CLNK: variants seen among roughly 807,000 people sequenced by gnomAD.
The protein encoded by CLNK is cytokine-dependent hematopoietic cell linker.
CLNK carries 74 observed loss-of-function variants against 68.6 expected under a neutral mutation model. The observed-to-expected ratio is 1.08, with a 90% confidence interval of 0.89 to 1.31. The LOEUF is 1.31. Ranked by LOEUF, CLNK falls within the 50% of genes most tolerant of loss-of-function variation. The pLI is 0.00. For missense variants in CLNK, 553 were observed against 515.3 expected (o/e 1.07, Z -0.71); for synonymous variants, 198 against 172.2 (o/e 1.15, Z -1.17).
At chr4:10,716,186 C>T in the CLNK span, among the ~76,000 whole-genome samples, 1 of 152,166 alleles carries the variant, frequency 6.6e-6, no homozygotes, top group African/African-American at 2.4e-5. Flanking sequence ...CTCTCCTAAG[C>T]CAGGAAAATT....
chr4:10,617,502 T>C (rs1230352976), intron 2 of CLNK, among the ~76,000 whole-genome samples: 1 of 152,222 alleles, frequency 6.6e-6, no homozygotes, highest in Non-Finnish European at 1.5e-5. Context: ...GAGCTGCTCA[T>C]TGGAAATTTC....
chr4:10,531,340 C>G (rs1327695702), intron 12 of CLNK: 1 of 153,020 alleles, frequency 6.5e-6, no homozygotes, highest in East Asian at 1.9e-4. Flanking sequence ...CTCCACTGAT[C>G]ACCTGGCCAT....
chr4:10,605,718 C>T (rs1408493403), intron 2 of CLNK, among the ~76,000 whole-genome samples: 2 of 146,480 alleles, frequency 1.4e-5, no homozygotes, highest in East Asian at 2.1e-4. Context: ...GTCTCAGCTA[C>T]TTGGGAGGCT....
chr4:10,492,551 T>C (rs917110593), intron 18 of CLNK, among the ~76,000 whole-genome samples: 1 of 152,314 alleles, frequency 6.6e-6, no homozygotes, highest in African/African-American at 2.4e-5. Flanking sequence ...AAATTGTCCG[T>C]TGAGGCTTAA....
chr4:10,558,370 A>C (rs889767993), intron 8 of CLNK, 37 bp downstream of exon 8: 68 of 1,590,314 alleles, frequency 4.3e-5, no homozygotes, highest in Non-Finnish European at 5.4e-5. Flanking sequence ...AGATGTTTTC[A>C]TACTTACATT....
Position 10,625,256 on chromosome 4 carries a change from A to T in CLNK, c.12-27207T>A, listed in dbSNP as rs1392514921. 1.7e-4 allele frequency among the ~76,000 whole-genome samples: 26 copies of T among 152,222 alleles called. 1 individual carries two copies. Among genetic ancestry groups the T allele is most frequent in the Non-Finnish European group, 1.5e-5 (1 of 68,040 alleles). ...GTGACAGGGAAACATTAGCCGATATAATTGAAAGCAGAGCTGTCCGCCACT... is the reference window on the plus strand; with the variant it reads ...GTGACAGGGAAACATTAGCCGATATTATTGAAAGCAGAGCTGTCCGCCACT... On this transcript the variant is annotated intron_variant, in intron 2 of 18. Transcript: ENST00000226951.
chr4:10,655,191 TGAA>T (rs1723920486), intron 2 of CLNK, among the ~76,000 whole-genome samples: 1 of 152,010 alleles, frequency 6.6e-6, no homozygotes, highest in Non-Finnish European at 1.5e-5. Flanking sequence ...GGCATTATGT[TGAA>T]GAAGTTCTCT....
intron 3 of CLNK, among the ~76,000 whole-genome samples, chr4:10,595,468 T>C (rs1721349964): frequency 2.0e-5 from 3 of 152,162 alleles, no homozygotes; most frequent in Admixed American, 2.0e-4. Flanking sequence ...TGCAGACAGG[T>C]CATGGTTAAT....
In CLNK at chr4:10,571,772, T is replaced by C. The variant is rs1456784509; in HGVS notation, c.119A>G (p.Tyr40Cys). The C allele has an allele frequency of 6.2e-7, 1 of 1,613,040 alleles. No homozygotes were observed. The highest frequency in any genetic ancestry group is 8.5e-7 in the Non-Finnish European group (1 of 1,179,156). ...TAGAAGAGGCTTGTTCATCCTCTGG[T>C]ACTGGCCTGCCAACACAAACAGACC... ...WPRINSATGQ[Y>C]QRMNKPLLDW... Residue 40 changes from tyrosine to cysteine, a missense_variant, in exon 5 of 19, where the codon TAC becomes TGC. Transcript: ENST00000226951.
chr4:10,545,533 C>T (rs1344754224), intron 8 of CLNK, among the ~76,000 whole-genome samples: 1 of 152,122 alleles, frequency 6.6e-6, no homozygotes, highest in Non-Finnish European at 1.5e-5. Context: ...GCAATGCACA[C>T]CAGTAGCTGT....
intron 15 of CLNK, among the ~76,000 whole-genome samples, chr4:10,516,820 G>T (rs1205437852): frequency 2.6e-5 from 4 of 152,212 alleles, no homozygotes; most frequent in Admixed American, 2.6e-4. Context: ...CAAAGTGCTG[G>T]GATTATAGGC....
At chr4:10,618,442 A>G (rs1040435027) in intron 2 of CLNK, among the ~76,000 whole-genome samples, 3 of 152,266 alleles carry the variant, frequency 2.0e-5, no homozygotes, top group African/African-American at 7.2e-5. Context: ...AAACTGATTT[A>G]TAGTGAGAGT....
chr4:10,541,933 T>A, intron 10 of CLNK, 89 bp downstream of exon 10: 1 of 972,782 alleles, frequency 1.0e-6, no homozygotes, highest in Non-Finnish European at 1.6e-6. Context: ...AGATTTTCAA[T>A]GTCAAATGTT....
chr4:10,710,216 C>G, the CLNK span, among the ~76,000 whole-genome samples: 1 of 152,048 alleles, frequency 6.6e-6, no homozygotes, highest in Non-Finnish European at 1.5e-5. Context: ...GATCTGGGCT[C>G]TGGTCAGAAA....
At chr4:10,562,665 A>G (rs1257299762) in intron 7 of CLNK, among the ~76,000 whole-genome samples, 1 of 152,118 alleles carries the variant, frequency 6.6e-6, no homozygotes, top group African/African-American at 2.4e-5. Context: ...CAGACTCCCA[A>G]AGTGCTGAGA....
At chr4:10,649,207 G>C (rs544472692) in intron 2 of CLNK, among the ~76,000 whole-genome samples, 1 of 152,194 alleles carries the variant, frequency 6.6e-6, no homozygotes, top group African/African-American at 2.4e-5. Flanking sequence ...TAAAAAAATT[G>C]AATTCCACAG....
the CLNK span, among the ~76,000 whole-genome samples, chr4:10,724,231 C>T: frequency 4.6e-5 from 7 of 151,994 alleles, no homozygotes; most frequent in South Asian, 2.1e-4. Context: ...TTTGTTTCAC[C>T]GTTTCATCTG....
chr4:10,558,338 G>A lies in CLNK; in HGVS notation c.445+69C>T, dbSNP rs998237357. Reference sequence around the variant, plus strand: ...CACCCATGACCACAAACAGTAATGCGAGAGGATCTTAGAAGCAAAATAGAT... The same window carrying A: ...CACCCATGACCACAAACAGTAATGCAAGAGGATCTTAGAAGCAAAATAGAT... On this transcript the variant is annotated intron_variant, in intron 8 of 18. Transcript: ENST00000226951. 84 of 1,313,558 alleles carry A rather than the reference G, an allele frequency of 6.4e-5. 1 individual carries two copies. The South Asian group carries it at 9.6e-4, about 15-fold the overall frequency. 81.4% of individuals were successfully genotyped at this position (1,313,558 alleles called of 1,614,324 possible).
At chr4:10,730,216 A>G in the CLNK span, among the ~76,000 whole-genome samples, 1 of 152,162 alleles carries the variant, frequency 6.6e-6, no homozygotes, top group Non-Finnish European at 1.5e-5. Flanking sequence ...TCACTGCACC[A>G]TTGAACCTCA....
Sources: gnomAD v4.1 joint callset for allele counts (sites outside exome capture counted in the v4.1 genomes callset) on GRCh38, gnomAD v4.1.1 for gene constraint, MANE v1.5 for transcripts, NCBI Gene and HGNC (gene_info 2026-07-23, HGNC 2026-07-21) for gene names.